The following MFAP3L variants were observed in gnomAD, a reference collection of about 807,000 sequenced individuals.
MFAP3L encodes microfibril associated protein 3 like.
Under a neutral mutation model 20.0 loss-of-function variants are expected in MFAP3L, and 5 were observed. The ratio of observed to expected loss-of-function variants is 0.25; its 90% confidence interval spans 0.13 to 0.53. The LOEUF (loss-of-function observed/expected upper bound fraction) is 0.53. Among genes scored for constraint, MFAP3L ranks in the 20% least tolerant of loss-of-function variants. MFAP3L has a pLI of 0.96. For missense variants in MFAP3L, 409 were observed against 527.5 expected, an observed-to-expected ratio of 0.78 and a Z score of 2.20; for synonymous variants, 219 against 213.0, an observed-to-expected ratio of 1.03 and a Z score of -0.25.
chr4:170,026,032 C>T (rs1304378284), intron 1 of MFAP3L, among the ~76,000 whole-genome samples: 1 of 152,044 alleles, frequency 6.6e-6, no homozygotes, highest in African/African-American at 2.4e-5. Context: ...CCGCCCCGCA[C>T]GGATCTCGAA....
At chr4:170,004,629 C>CT (rs1265361327) in intron 2 of MFAP3L, among the ~76,000 whole-genome samples, 5 of 152,062 alleles carry the variant, frequency 3.3e-5, no homozygotes. Context: ...AGCCTCTATT[C>CT]TTTTTTCAGG....
chr4:170,026,442 G>C (rs1451569775), upstream of MFAP3L: 2 of 270,842 alleles, frequency 7.4e-6, no homozygotes, highest in Non-Finnish European at 1.1e-5. Flanking sequence ...GGCCGGCCGG[G>C]GCCGAGCATG....
In MFAP3L at chr4:169,998,410, A is replaced by G. The variant is rs1415382888; in HGVS notation, c.299-6101T>C. On this transcript the variant is annotated intron_variant, in intron 2 of 2. Transcript: ENST00000361618. ...AGCAAATTACTGCTGTACAGCAAGG[A>G]GCAGCAATGAGCAACGCATTCTGAA... Among the ~76,000 whole-genome samples, 5 of 152,260 alleles carry G rather than the reference A, an allele frequency of 3.3e-5. No homozygotes were observed. The East Asian group carries it at 9.6e-4, about 29-fold the overall frequency.
At chr4:170,025,534 GT>G (rs1191242212) in intron 1 of MFAP3L, among the ~76,000 whole-genome samples, 2 of 151,444 alleles carry the variant, frequency 1.3e-5, no homozygotes, top group East Asian at 1.9e-4. Flanking sequence ...AAGCTTGCAA[GT>G]TTTTTTTTCA....
rs556521578 is a variant in MFAP3L, at chr4:170,023,146, T to C, written c.-134+3088A>G. ...TCCCATGGAAATGTCACTCCAAGCA[T>C]GAGGTCCTCTCCTCCTCCAATCTAC... is the stretch of plus-strand genomic sequence containing the variant. On this transcript the variant is annotated intron_variant, in intron 1 of 2. Coordinates refer to ENST00000361618, the MANE Select transcript of MFAP3L (RefSeq NM_021647.8). Among the ~76,000 whole-genome samples, 10 of 152,328 alleles carry C rather than the reference T, an allele frequency of 6.6e-5. 1 individual carries two copies. The highest frequency in any genetic ancestry group is 2.2e-4 in the African/African-American group (9 of 41,588).
At chr4:169,997,087 G>A (rs572339095) in intron 2 of MFAP3L, among the ~76,000 whole-genome samples, 1 of 152,278 alleles carries the variant, frequency 6.6e-6, no homozygotes, top group South Asian at 2.1e-4. Flanking sequence ...TTCAAATTGT[G>A]GGGGGAGGGG....
intron 2 of MFAP3L, among the ~76,000 whole-genome samples, chr4:169,995,508 C>T (rs1738079401): frequency 6.6e-6 from 1 of 152,202 alleles, no homozygotes; most frequent in Admixed American, 6.5e-5. Flanking sequence ...CCTCCCGCAT[C>T]AGCTTTGGGC....
At chr4:170,007,916 T>C (rs1739148620) in intron 1 of MFAP3L, among the ~76,000 whole-genome samples, 2 of 151,882 alleles carry the variant, frequency 1.3e-5, no homozygotes. Flanking sequence ...ATATAACTTT[T>C]CCCCCCAGTT....
intron 1 of MFAP3L, among the ~76,000 whole-genome samples, chr4:170,019,073 C>T (rs534861709): frequency 7.2e-4 from 110 of 152,356 alleles, no homozygotes; most frequent in African/African-American, 2.5e-3. Flanking sequence ...ACTCAAATAC[C>T]TTTCCTTGCC....
intron 2 of MFAP3L, among the ~76,000 whole-genome samples, chr4:170,004,679 G>T (rs559121669): frequency 6.6e-6 from 1 of 152,188 alleles, no homozygotes; most frequent in South Asian, 2.1e-4. Flanking sequence ...TTAAAATGTA[G>T]GTTTTCCTGG....
chr4:169,993,989 G>A (rs1737941717), intron 2 of MFAP3L, among the ~76,000 whole-genome samples: 2 of 152,120 alleles, frequency 1.3e-5, no homozygotes, highest in South Asian at 4.1e-4. Context: ...TATTTCAGCT[G>A]CAGATTTTTT....
chr4:169,995,343 G>T (rs1452829486), intron 2 of MFAP3L, among the ~76,000 whole-genome samples: 1 of 152,070 alleles, frequency 6.6e-6, no homozygotes, highest in Admixed American at 6.5e-5. Flanking sequence ...TTTTGTAAAG[G>T]CCAGTATATT....
At chr4:170,019,843 G>T (rs1349619961) in intron 1 of MFAP3L, among the ~76,000 whole-genome samples, 1 of 152,146 alleles carries the variant, frequency 6.6e-6, no homozygotes, top group Non-Finnish European at 1.5e-5. Flanking sequence ...CTTTCCTGTT[G>T]ACTAGAGTCA....
chr4:169,998,811 G>A (rs1279775474), intron 2 of MFAP3L, among the ~76,000 whole-genome samples: 2 of 152,174 alleles, frequency 1.3e-5, no homozygotes, highest in Non-Finnish European at 2.9e-5. Context: ...CTGCCAAAAC[G>A]AGTATGTTAG....
rs189561355 is a variant in MFAP3L, at chr4:170,003,130, C to A, written c.298+2450G>T. ...GTTGCTTATGCTCTGAAATTACCATCATGCATTGTAATTACAAAAGCTGAG... is the reference window on the plus strand; with the variant it reads ...GTTGCTTATGCTCTGAAATTACCATAATGCATTGTAATTACAAAAGCTGAG... On this transcript the variant is annotated intron_variant, in intron 2 of 2. Transcript: ENST00000361618. Among the ~76,000 whole-genome samples the A allele has an allele frequency of 1.8e-3, 273 of 152,324 alleles. 1 individual carries two copies. The Middle Eastern group carries it at 0.02, about 11-fold the overall frequency.
At chr4:170,026,047 C>T (rs1730371219) in intron 1 of MFAP3L, among the ~76,000 whole-genome samples, 187 bp downstream of exon 1, 1 of 152,146 alleles carries the variant, frequency 6.6e-6, no homozygotes, top group East Asian at 1.9e-4. Flanking sequence ...CTCGAAGCAT[C>T]CTGCGACCCC....
At chr4:170,017,394 T>C (rs1029489286) in intron 1 of MFAP3L, among the ~76,000 whole-genome samples, 2 of 152,216 alleles carry the variant, frequency 1.3e-5, no homozygotes, top group Non-Finnish European at 2.9e-5. Context: ...CTAGCATTTA[T>C]GGTTTACAAA....
intron 1 of MFAP3L, among the ~76,000 whole-genome samples, chr4:170,010,250 A>C (rs1739290555): frequency 6.6e-6 from 1 of 152,214 alleles, no homozygotes; most frequent in Non-Finnish European, 1.5e-5. Flanking sequence ...AATGAATTCA[A>C]AATATCCACG....
At chr4:170,006,101 C>T (rs1581492698) in intron 1 of MFAP3L, 91 bp from the exon 2 acceptor site, 1 of 962,472 alleles carries the variant, frequency 1.0e-6, no homozygotes, top group East Asian at 3.1e-5. Flanking sequence ...AGCTAAAATA[C>T]AAACATCAAC....
Sources: gnomAD v4.1 joint callset for allele counts (sites outside exome capture counted in the v4.1 genomes callset) on GRCh38, gnomAD v4.1.1 for gene constraint, MANE v1.5 for transcripts, NCBI Gene and HGNC (gene_info 2026-07-23, HGNC 2026-07-21) for gene names.